The following ABCA9 variants were observed in gnomAD, a reference collection of about 807,000 sequenced individuals.
ABCA9 encodes the protein ATP-binding cassette sub-family A member 9.
A neutral mutation model predicts 205.3 loss-of-function variants in ABCA9; 183 were observed. The ratio of observed to expected loss-of-function variants is 0.89; its 90% CI spans 0.79 to 1.01. ABCA9 has a LOEUF of 1.01. Ranked by LOEUF, ABCA9 falls within the 50% of genes least tolerant of loss-of-function variation. ABCA9 has a pLI of 0.00. For synonymous variants in ABCA9, 651 were observed against 683.3 expected (o/e 0.95, Z 0.74); for missense variants, 1,805 against 1,912.4 (o/e 0.94, Z 1.05).
intron 18 of ABCA9, 57 bp downstream of exon 18, chr17:69,021,685 C>CTTCT: frequency 9.5e-7 from 1 of 1,054,402 alleles, no homozygotes; most frequent in Non-Finnish European, 1.3e-6. Flanking sequence ...TTCGTCCTTC[C>CTTCT]TTCCTTCCTT....
chr17:69,043,726 A>G lies in ABCA9; in HGVS notation c.574-11T>C, dbSNP rs1567968537. 1 of 1,567,412 alleles carries G rather than the reference A, an allele frequency of 6.4e-7. No individual in the cohort carries two copies. The highest frequency in any genetic ancestry group is 8.6e-7 in the Non-Finnish European group (1 of 1,158,726). On this transcript the variant is annotated splice_polypyrimidine_tract_variant and intron_variant, in intron 5 of 38. Coordinates refer to ENST00000340001, the MANE Select transcript of ABCA9 (RefSeq NM_080283.4). Reference sequence around the variant, plus strand: ...ATGATTTGTTGCGATCTGAAGAAAGATATCAATGAACAAATTGTTATCATC... The same window carrying G: ...ATGATTTGTTGCGATCTGAAGAAAGGTATCAATGAACAAATTGTTATCATC...
At chr17:69,050,682 G>A (rs541151330) in intron 2 of ABCA9, among the ~76,000 whole-genome samples, 15 of 151,850 alleles carry the variant, frequency 9.9e-5, no homozygotes, top group African/African-American at 3.6e-4. Flanking sequence ...TTTTTACTTT[G>A]TCCCTGAACT....
intron 6 of ABCA9, among the ~76,000 whole-genome samples, chr17:69,037,926 A>G (rs1313544302): frequency 1.3e-5 from 2 of 152,218 alleles, no homozygotes; most frequent in Non-Finnish European, 2.9e-5. Context: ...ACCATCGGAG[A>G]ATATAATAAA....
At chr17:69,022,119 A>T (rs528152614) in intron 17 of ABCA9, 1 of 171,738 alleles carries the variant, frequency 5.8e-6, no homozygotes, top group Admixed American at 6.3e-5. Flanking sequence ...ATTTTAATAT[A>T]TTTTTTAAAA....
rs2071036708 is a variant in ABCA9 at position 69,027,636 on chromosome 17, A to G, written c.1791+4T>C. 2 of 1,612,720 alleles carry G rather than the reference A, an allele frequency of 1.2e-6. No homozygotes were observed. The highest frequency in any genetic ancestry group is 1.3e-5 in the African/African-American group (1 of 74,882). ...GCTATGTGACATCTAATATGCTCAC[A>G]TACCTCTTTCTCCACTTCATGTGGC... is the stretch of plus-strand genomic sequence containing the variant. On this transcript the variant is annotated splice_donor_region_variant and intron_variant, in intron 13 of 38. Coordinates refer to ENST00000340001, the MANE Select transcript of ABCA9 (RefSeq NM_080283.4).
intron 1 of ABCA9, chr17:69,051,598 A>G (rs1414204677): frequency 6.1e-6 from 1 of 164,654 alleles, no homozygotes; most frequent in Non-Finnish European, 1.3e-5. Context: ...TGGGGTCATG[A>G]GGGGACCAGT....
At chr17:69,011,608 GTGAGTTGGTCAGGGCTTTTAAAC>G (rs1481522525) in intron 23 of ABCA9, among the ~76,000 whole-genome samples, 2 of 152,170 alleles carry the variant, frequency 1.3e-5, no homozygotes, top group African/African-American at 4.8e-5. Context: ...AAGTGCTGTG[GTGAGTTGGTCAGGGCTTTTAAAC>G]TGAGTAGCTT....
In ABCA9 at chr17:68,990,941, T is replaced by TG; in HGVS notation, c.3732dup (p.Asn1245GlnfsTer11). 1.2e-6 allele frequency: 2 copies of TG among 1,610,580 alleles called. No homozygotes were observed. Among genetic ancestry groups the TG allele is most frequent in the Non-Finnish European group, 1.7e-6 (2 of 1,179,178 alleles). ...TCTTCTGGGTTTGGAAAAATAGCGT[T>TG]GCTTCTTGGAGAAATTCTGAAATCA... On this transcript the variant is annotated frameshift_variant, in exon 29 of 39. Transcript: ENST00000340001. LOFTEE classifies it high-confidence loss of function.
chr17:68,988,060 G>T (rs375979130), intron 31 of ABCA9, among the ~76,000 whole-genome samples: 1 of 152,022 alleles, frequency 6.6e-6, no homozygotes. Flanking sequence ...CACCGTGCCC[G>T]GACCTCATTT....
intron 6 of ABCA9, among the ~76,000 whole-genome samples, chr17:69,040,485 AAAAG>A (rs536688541): frequency 2.1e-4 from 32 of 152,342 alleles, no homozygotes; most frequent in African/African-American, 7.5e-4. Flanking sequence ...GTTCTCACTC[AAAAG>A]TGAGAGTTGA....
At position 68,990,890 on chromosome 17, in the gene ABCA9, G is replaced by A. The variant is rs778788234; in HGVS notation, c.3784C>T (p.Gln1262Ter). 2 of 1,613,858 alleles carry A rather than the reference G, an allele frequency of 1.2e-6. 1 individual carries two copies. The highest frequency in any genetic ancestry group is 2.2e-5 in the South Asian group (2 of 91,056). ...EEPEGEEEDI[Q>*]MERMRTVNAM... Reference sequence around the variant, plus strand: ...TTCACTGTTCTCATTCTTTCCATCTGGATATCTTCCTCCTCTCCTTCAGGC... The same window carrying A: ...TTCACTGTTCTCATTCTTTCCATCTAGATATCTTCCTCCTCTCCTTCAGGC... The change falls in exon 29 of 39, where the codon CAG becomes TAG. Residue 1262 changes from glutamine to a stop codon, truncating the protein, a stop_gained. Transcript: ENST00000340001. LOFTEE classifies it high-confidence loss of function.
At chr17:69,013,130 CT>C (rs2070445041) in intron 22 of ABCA9, among the ~76,000 whole-genome samples, 1 of 151,822 alleles carries the variant, frequency 6.6e-6, no homozygotes, top group African/African-American at 2.4e-5. Context: ...TTGATGGACA[CT>C]TAGGTTTCTT....
intron 10 of ABCA9, among the ~76,000 whole-genome samples, chr17:69,030,224 T>A (rs1053806749): frequency 1.3e-5 from 2 of 152,204 alleles, no homozygotes. Flanking sequence ...AACAGACATT[T>A]ATTTCTTATA....
chr17:69,052,139 G>A lies in ABCA9; in HGVS notation c.-13-1000C>T, dbSNP rs374547838. The stretch of plus-strand genomic sequence containing the variant: ...TAATCCCAGCACTTTGGGAGGCTGA[G>A]GCAGGAGGATTGCTTGAAGCCAGGA... On this transcript the variant is annotated intron_variant, in intron 1 of 38. Coordinates refer to ENST00000340001, the MANE Select transcript of ABCA9 (RefSeq NM_080283.4). Among the ~76,000 whole-genome samples, 7 of 152,318 alleles carry A rather than the reference G, an allele frequency of 4.6e-5. No individual in the cohort carries two copies. In the East Asian group the frequency reaches 1.2e-3, roughly 25 times the overall value.
Position 69,026,609 on chromosome 17 carries a change from CT to C in ABCA9, c.2051-143del, listed in dbSNP as rs538855642. On this transcript the variant is annotated intron_variant, in intron 15 of 38. Transcript: ENST00000340001. ...TCTAATTCTGGCCATACGTAAACCA[CT>C]TTTTTTTGTCATCCAACAGCTCGAA... 706 of 722,042 alleles carry C rather than the reference CT, an allele frequency of 9.8e-4. 2 individuals are homozygous for C. Among genetic ancestry groups the C allele is most frequent in the African/African-American group, 9.6e-3 (535 of 55,950 alleles). The allele number at this position is 722,042 out of a possible 1,614,324, so 44.7% of individuals were successfully genotyped here.
the ABCA9 span, chr17:69,078,969 G>A: frequency 6.3e-7 from 1 of 1,592,566 alleles, no homozygotes; most frequent in African/African-American, 1.3e-5. Flanking sequence ...CTAGGTTTGA[G>A]GTTTTAAGGT....
chr17:69,069,022 T>C, the ABCA9 span, among the ~76,000 whole-genome samples: 3 of 152,242 alleles, frequency 2.0e-5, no homozygotes, highest in Non-Finnish European at 4.4e-5. Context: ...AGTATTTAAA[T>C]GTAAATTTTA....
chr17:69,045,069 T>C lies in ABCA9; in HGVS notation c.469+103A>G, dbSNP rs981454512. The C allele has an allele frequency of 1.5e-5, 13 of 848,560 alleles. 1 individual carries two copies. The highest frequency in any genetic ancestry group is 5.6e-5 in the Admixed American group (2 of 35,414). 52.6% of individuals were successfully genotyped at this position (848,560 alleles called of 1,614,324 possible). The stretch of plus-strand genomic sequence containing the variant: ...GTTCAGAAATTAAAGCTCTATGTTG[T>C]GGTTGTATATGTTTGTGTAGTTTCA... On this transcript the variant is annotated intron_variant, in intron 4 of 38. Transcript: ENST00000340001.
In ABCA9 at chr17:68,986,307, G is replaced by T. The variant is rs767723466; in HGVS notation, c.4065C>A (p.Ser1355Arg). Residue 1355 changes from serine (S) to arginine (R), a missense_variant, in exon 32 of 39, where the codon AGC becomes AGA. Transcript: ENST00000340001. ...GGAAGCCCAGGGGTTCCCCTCCACC[G>T]CTCCCTTTCAAAATCACCTATGCAA... is the stretch of plus-strand genomic sequence containing the variant. ...PTAGQVILKGSGGGEPLGFLG... is the reference protein window; with the variant it reads ...PTAGQVILKGRGGGEPLGFLG... 4.4e-6 allele frequency: 7 copies of T among 1,606,918 alleles called. No homozygotes were observed. The South Asian group carries it at 7.8e-5, about 18-fold the overall frequency.
Sources: gnomAD v4.1 joint callset for allele counts (sites outside exome capture counted in the v4.1 genomes callset) on GRCh38, gnomAD v4.1.1 for gene constraint, MANE v1.5 for transcripts, NCBI Gene and HGNC (gene_info 2026-07-23, HGNC 2026-07-21) for gene names.